Variants in CNDP2 observed in about 807,000 individuals in gnomAD.
CNDP2 encodes the protein carnosine dipeptidase 2.
A neutral mutation model predicts 55.0 loss-of-function variants in CNDP2; 38 were observed. The ratio of observed to expected loss-of-function variants is 0.69; its 90% CI spans 0.53 to 0.90. The LOEUF is 0.90. CNDP2 is among the 40% of genes least tolerant of loss of function. CNDP2 has a pLI of 0.00. For synonymous variants in CNDP2, 241 were observed against 260.2 expected (o/e 0.93, Z 0.71); for missense variants, 607 against 621.7 (o/e 0.98, Z 0.25).
chr18:74,510,831 C>T lies in CNDP2; in HGVS notation c.475C>T (p.Arg159Ter), dbSNP rs776152098. 1.3e-5 allele frequency: 21 copies of T among 1,613,738 alleles called. No individual in the cohort carries two copies. Among genetic ancestry groups the T allele is most frequent in the African/African-American group, 8.0e-5 (6 of 74,896 alleles). The change falls in exon 6 of 12, where the codon CGA (arginine) becomes TGA (stop). Residue 159 changes from arginine (R) to a stop codon, truncating the protein, a stop_gained. Coordinates refer to ENST00000324262, the MANE Select transcript of CNDP2 (RefSeq NM_018235.3). LOFTEE classifies it high-confidence loss of function. ...CTCACAGGAGATTCCTGTCAACGTC[C>T]GATTCTGCCTCGAAGGCATGGAGGA... is the stretch of plus-strand genomic sequence containing the variant. ...KTGQEIPVNVRFCLEGMEESG... is the reference protein window; with the variant it reads ...KTGQEIPVNV
chr18:74,516,483 C>A, intron 9 of CNDP2, 91 bp downstream of exon 9: 1 of 1,301,048 alleles, frequency 7.7e-7, no homozygotes, highest in Non-Finnish European at 1.0e-6. Context: ...GACAGACACC[C>A]GGGCCATGCA....
chr18:74,518,387 G>A (rs908981338), intron 9 of CNDP2, 112 bp from the exon 10 acceptor site: 29 of 1,243,780 alleles, frequency 2.3e-5, no homozygotes, highest in Non-Finnish European at 3.3e-5. Flanking sequence ...ACCTGTCAGA[G>A]GCCGATTGTA....
rs1041160993 is a variant in CNDP2 at position 74,512,065 on chromosome 18, G to A, written c.658-383G>A. 2.6e-5 allele frequency: 5 copies of A among 193,020 alleles called. No individual in the cohort carries two copies. The South Asian group carries it at 3.0e-4, about 11-fold the overall frequency. The allele number at this position is 193,020 out of a possible 1,614,324, so 12.0% of individuals were successfully genotyped here. ...GTATGCAGCTGCTCAGTGCAAGGGC[G>A]AGGTCCGACCCCAGGTCTCCAGCTC... is the stretch of plus-strand genomic sequence containing the variant. On this transcript the variant is annotated intron_variant, in intron 6 of 11. Coordinates refer to ENST00000324262, the MANE Select transcript of CNDP2 (RefSeq NM_018235.3).
rs1202069063 is a variant in CNDP2 at position 74,508,736 on chromosome 18, C to T, written c.368-104C>T. On this transcript the variant is annotated intron_variant, in intron 4 of 11. Transcript: ENST00000324262. ...CTCCTGATCGGAAGGGGAAGCCTCT[C>T]TCGTGTTTGCTTGGCTAAGGGGTTA... The T allele has an allele frequency of 1.4e-5, 12 of 837,384 alleles. 1 individual carries two copies. The highest frequency in any genetic ancestry group is 6.7e-5 in the African/African-American group (4 of 59,894). The allele number at this position is 837,384 out of a possible 1,614,324, so 51.9% of individuals were successfully genotyped here. A position where few individuals can be genotyped will look rare whatever the true frequency, so the allele number is the denominator to read the frequency against.
Position 74,513,687 on chromosome 18 carries a change from G to A in CNDP2, c.871G>A (p.Val291Met). The A allele has an allele frequency of 1.2e-6, 2 of 1,614,076 alleles. No individual in the cohort carries two copies. The highest frequency in any genetic ancestry group is 1.7e-6 in the Non-Finnish European group (2 of 1,179,990). ...DFDIEEFAKD[V>M]GAQILLHSHK... ...TGACATAGAGGAGTTTGCCAAGGAT[G>A]TGGGGGCGCAGATCCTCCTGCACAG... Residue 291 changes from valine to methionine, a missense_variant, in exon 8 of 12, where the codon GTG (valine) becomes ATG (methionine). Val to Met is a conservative substitution (Grantham distance 21). Transcript: ENST00000324262.
chr18:74,518,828 GCTTGCTGTCCCCAGGGC>G, intron 10 of CNDP2, 104 bp from the exon 11 acceptor site: 1 of 1,479,416 alleles, frequency 6.8e-7, no homozygotes, highest in Non-Finnish European at 9.3e-7. Context: ...TTGAACGCGG[GCTTGCTGTCCCCAGGGC>G]CTTGCACAGC....
In CNDP2 at chr18:74,513,618, G is replaced by C; in HGVS notation, c.802G>C (p.Ala268Pro). The part of the protein sequence containing the change: ...LIPGINEAVA[A>P]VTEEEHKLYD... The stretch of plus-strand genomic sequence containing the variant: ...CCCCGGCATTAACGAGGCCGTGGCC[G>C]CCGTCACGGAAGAGGAGCACAAGCT... The change falls in exon 8 of 12, where the codon GCC becomes CCC. Residue 268 changes from alanine (A) to proline (P), a missense_variant. Physicochemically the swap from Ala to Pro is conservative, Grantham distance 27. Transcript: ENST00000324262. 1 of 1,613,994 alleles carries C rather than the reference G, an allele frequency of 6.2e-7. No homozygotes were observed. The highest frequency in any genetic ancestry group is 1.1e-5 in the South Asian group (1 of 91,082).
chr18:74,512,600 G>T, intron 7 of CNDP2, 68 bp downstream of exon 7: 1 of 1,375,026 alleles, frequency 7.3e-7, no homozygotes, highest in Non-Finnish European at 1.0e-6. Context: ...CAGGCTGTCT[G>T]TCATCAGCAT....
chr18:74,501,432 T>TG lies in CNDP2; in HGVS notation c.170dup (p.Ser58LeufsTer14). ...GTTGCTGCTGCAGATGTTAAGCAGT[T>TG]GGGGGGCTCTGTGGAACTGGTGGAT... On this transcript the variant is annotated frameshift_variant, in exon 3 of 12. Coordinates refer to ENST00000324262, the MANE Select transcript of CNDP2 (RefSeq NM_018235.3). LOFTEE classifies it high-confidence loss of function. The TG allele has an allele frequency of 3.1e-6, 5 of 1,613,994 alleles. No individual in the cohort carries two copies. The highest frequency in any genetic ancestry group is 4.2e-6 in the Non-Finnish European group (5 of 1,179,966).
chr18:74,499,269 G>A (rs1978559452), intron 1 of CNDP2: 1 of 152,278 alleles, frequency 6.6e-6, no homozygotes, highest in Admixed American at 6.5e-5. Context: ...AAGAGTCTGA[G>A]GATGTGTTTT....
chr18:74,501,450 T>C lies in CNDP2; in HGVS notation c.182T>C (p.Leu61Pro), dbSNP rs776428152. Residue 61 changes from leucine to proline, a missense_variant, in exon 3 of 12, where the codon CTG becomes CCG. Coordinates refer to ENST00000324262, the MANE Select transcript of CNDP2 (RefSeq NM_018235.3). The stretch of plus-strand genomic sequence containing the variant: ...AAGCAGTTGGGGGGCTCTGTGGAAC[T>C]GGTGGATATCGGAAAACAAAAGGTA... ...DVKQLGGSVE[L>P]VDIGKQKLPD... 6.2e-7 allele frequency: 1 copy of C among 1,613,836 alleles called. No homozygotes were observed. The highest frequency in any genetic ancestry group is 8.5e-7 in the Non-Finnish European group (1 of 1,179,890).
chr18:74,506,018 G>T lies in CNDP2; in HGVS notation c.367+7G>T. ...ACCCTGGTGGAGCGAGACGGTGAGC[G>T]CCGCGCGCCTATGCGTGCCCAGAGG... is the stretch of plus-strand genomic sequence containing the variant. On this transcript the variant is annotated splice_region_variant and intron_variant, in intron 4 of 11. Coordinates refer to ENST00000324262, the MANE Select transcript of CNDP2 (RefSeq NM_018235.3). The T allele has an allele frequency of 6.4e-7, 1 of 1,563,932 alleles. No homozygotes were observed.
At chr18:74,518,459 T>C in intron 9 of CNDP2, 40 bp from the exon 10 acceptor site, 1 of 1,611,662 alleles carries the variant, frequency 6.2e-7, no homozygotes, top group Non-Finnish European at 8.5e-7. Flanking sequence ...AAATGCAAGC[T>C]TATAAAGCAT....
At chr18:74,501,144 C>A in intron 2 of CNDP2, 185 bp from the exon 3 acceptor site, 1 of 1,269,316 alleles carries the variant, frequency 7.9e-7, no homozygotes. Context: ...TCTCTTCCCT[C>A]AGTACAAACA....
At position 74,520,881 on chromosome 18, in the gene CNDP2, T is replaced by G. The variant is rs1348914811; in HGVS notation, c.*813T>G. The stretch of plus-strand genomic sequence containing the variant: ...GGGATAAACAGAGAGCTTGATGCTT[T>G]CTGCCTTCTGTCTCAGGTGATGCAT... On this transcript the variant is annotated 3_prime_UTR_variant, in exon 12 of 12. Transcript: ENST00000324262. The G allele has an allele frequency of 1.3e-5, 2 of 152,244 alleles. No homozygotes were observed. Among genetic ancestry groups the G allele is most frequent in the African/African-American group, 4.8e-5 (2 of 41,470 alleles). The allele number at this position is 152,244 out of a possible 1,614,324, so 9.4% of individuals were successfully genotyped here. A position where few individuals can be genotyped will look rare whatever the true frequency, so the allele number is the denominator to read the frequency against.
chr18:74,518,494 T>C lies in CNDP2; in HGVS notation c.1069-5T>C, dbSNP rs1979842997. On this transcript the variant is annotated splice_region_variant and splice_polypyrimidine_tract_variant and intron_variant, in intron 9 of 11. Transcript: ENST00000324262. ...TTGTATACCTCTATTCTATTTGTGG[T>C]TTAGGTCACAAGCTACCTAACTAAG... The C allele has an allele frequency of 6.2e-7, 1 of 1,614,012 alleles. No individual in the cohort carries two copies. The highest frequency in any genetic ancestry group is 1.7e-5 in the Admixed American group (1 of 60,006).
At chr18:74,505,728 A>G in intron 3 of CNDP2, 121 bp from the exon 4 acceptor site, 3 of 1,074,434 alleles carry the variant, frequency 2.8e-6, no homozygotes, top group Middle Eastern at 4.2e-4. Context: ...CTTAAACTCT[A>G]CAATAGAGGT....
At chr18:74,514,357 G>T (rs962364424) in intron 8 of CNDP2, among the ~76,000 whole-genome samples, 3 of 152,144 alleles carry the variant, frequency 2.0e-5, no homozygotes, top group African/African-American at 7.2e-5. Context: ...CAGGCTGTAG[G>T]TTTATGCGGT....
At chr18:74,506,640 C>G (rs924181498) in intron 4 of CNDP2, among the ~76,000 whole-genome samples, 1 of 152,200 alleles carries the variant, frequency 6.6e-6, no homozygotes, top group African/African-American at 2.4e-5. Flanking sequence ...CCCTTGTCCC[C>G]CTCCCCGGCC....
Sources: gnomAD v4.1 joint callset for allele counts (sites outside exome capture counted in the v4.1 genomes callset) on GRCh38, gnomAD v4.1.1 for gene constraint, MANE v1.5 for transcripts, NCBI Gene and HGNC (gene_info 2026-07-23, HGNC 2026-07-21) for gene names.